The following ST18 variants were observed in gnomAD, a reference collection of about 807,000 sequenced individuals.
ST18 encodes the protein ST18 C2H2C-type zinc finger transcription factor.
Under a neutral mutation model 110.0 loss-of-function variants are expected in ST18, and 50 were observed. The observed-to-expected ratio is 0.45, with a 90% CI of 0.36 to 0.58. The LOEUF is 0.58. Among genes scored for constraint, ST18 ranks in the 20% least tolerant of loss-of-function variants. ST18 has a pLI of 0.00. For synonymous variants in ST18, 461 were observed against 452.4 expected (o/e 1.02, Z -0.24); for missense variants, 1,306 against 1,280.1 (o/e 1.02, Z -0.31).
chr8:52,228,112 A>AT (rs984621117), intron 3 of ST18, among the ~76,000 whole-genome samples: 2 of 152,166 alleles, frequency 1.3e-5, no homozygotes, highest in African/African-American at 4.8e-5. Context: ...AGAATTTACA[A>AT]TTTTGTCTTC....
chr8:52,203,743 A>G (rs1290842957), intron 8 of ST18, among the ~76,000 whole-genome samples: 6 of 152,256 alleles, frequency 3.9e-5, no homozygotes, highest in African/African-American at 1.4e-4. Flanking sequence ...CAGTCAAATA[A>G]TTTTGTTTGC....
At chr8:52,362,513 C>T (rs562294361) in intron 2 of ST18, among the ~76,000 whole-genome samples, 2 of 152,276 alleles carry the variant, frequency 1.3e-5, no homozygotes, top group South Asian at 2.1e-4. Flanking sequence ...ATAGTACAAC[C>T]TCAACCTACA....
rs1434572940 is a variant in ST18 at position 52,287,097 on chromosome 8, T to C, written c.-464-57020A>G. On this transcript the variant is annotated intron_variant, in intron 2 of 25. Coordinates refer to ENST00000689386, the MANE Select transcript of ST18 (RefSeq NM_001352837.2). ...TCTAGAATTTTAGTAGGCTTTTTTA[T>C]ACAAAGACTGTTCCAAAAAATCTAG... Among the ~76,000 whole-genome samples the C allele has an allele frequency of 3.9e-5, 6 of 152,230 alleles. No individual in the cohort carries two copies. In the East Asian group the frequency reaches 7.7e-4, roughly 20 times the overall value.
intron 17 of ST18, 170 bp from the exon 18 acceptor site, chr8:52,137,653 C>A (rs2053037001): frequency 5.3e-6 from 3 of 562,564 alleles, no homozygotes; most frequent in South Asian, 6.3e-5. Context: ...AACCAGTGGA[C>A]TACCTGAAAG....
intron 15 of ST18, 103 bp downstream of exon 15, chr8:52,158,795 G>C: frequency 7.5e-7 from 1 of 1,332,096 alleles, no homozygotes; most frequent in Non-Finnish European, 1.1e-6. Flanking sequence ...CGCTTCAGAG[G>C]TTGGGGAGCA....
chr8:52,385,597 C>CAA (rs60332637), intron 2 of ST18, among the ~76,000 whole-genome samples: 29 of 116,742 alleles, frequency 2.5e-4, no homozygotes, highest in African/African-American at 7.3e-4. Flanking sequence ...GACTCCGACT[C>CAA]AAAAAAAAAA....
At chr8:52,155,790 C>A (rs944949676) in intron 15 of ST18, among the ~76,000 whole-genome samples, 1 of 152,114 alleles carries the variant, frequency 6.6e-6, no homozygotes, top group African/African-American at 2.4e-5. Flanking sequence ...ATTCAGATTG[C>A]CCATTAAGCT....
intron 2 of ST18, among the ~76,000 whole-genome samples, chr8:52,314,683 C>A (rs976625531): frequency 1.1e-4 from 16 of 152,172 alleles, no homozygotes; most frequent in African/African-American, 3.9e-4. Flanking sequence ...CCAACCATGG[C>A]CTCCATCATT....
intron 2 of ST18, among the ~76,000 whole-genome samples, chr8:52,371,345 C>A (rs1830201243): frequency 1.3e-5 from 2 of 152,148 alleles, no homozygotes; most frequent in Admixed American, 6.5e-5. Context: ...TAAATGGCAA[C>A]TAAAAATATA....
chr8:52,355,990 A>G (rs1822569989), intron 2 of ST18, among the ~76,000 whole-genome samples: 1 of 152,208 alleles, frequency 6.6e-6, no homozygotes, highest in Non-Finnish European at 1.5e-5. Context: ...CAGACAAGCA[A>G]CACTCAGGCT....
chr8:52,264,888 T>G (rs1339411649), intron 2 of ST18, among the ~76,000 whole-genome samples: 1 of 152,236 alleles, frequency 6.6e-6, no homozygotes, highest in Non-Finnish European at 1.5e-5. Context: ...TTTTTGTCTG[T>G]AATTGTTTGT....
chr8:52,232,422 T>C (rs556660868), intron 2 of ST18, among the ~76,000 whole-genome samples: 4 of 152,194 alleles, frequency 2.6e-5, no homozygotes, highest in Non-Finnish European at 5.9e-5. Context: ...ATGAATTAAT[T>C]ACAAATTATA....
chr8:52,386,797 A>T (rs1433297963), intron 2 of ST18, among the ~76,000 whole-genome samples: 1 of 152,188 alleles, frequency 6.6e-6, no homozygotes, highest in African/African-American at 2.4e-5. Flanking sequence ...TACTACACTG[A>T]TCAATTTGAA....
chr8:52,149,852 T>G lies in ST18; in HGVS notation c.1932A>C (p.Pro644=). The G allele has an allele frequency of 1.2e-6, 2 of 1,614,112 alleles. No individual in the cohort carries two copies. The highest frequency in any genetic ancestry group is 1.7e-6 in the Non-Finnish European group (2 of 1,180,008). The change falls in exon 16 of 26, where the codon CCA becomes CCC. Residue 644 remains proline (P), a synonymous_variant. Transcript: ENST00000689386. ...TGACCAGAATGCTGCTTGTTTTGAA[T>G]GGGGAAGAGGAAGGAGTTGGAATAG... ...NTSIPTPSSS[P]FKTSSILVNA... is the part of the protein sequence containing the mutation.
At chr8:52,406,218 C>A (rs922477107) in intron 2 of ST18, 1 of 152,208 alleles carries the variant, frequency 6.6e-6, no homozygotes, top group African/African-American at 2.4e-5. Context: ...GCAGAGGAAC[C>A]TTTCACAAAC....
chr8:52,253,275 G>C (rs775545434), intron 2 of ST18, among the ~76,000 whole-genome samples: 1 of 151,972 alleles, frequency 6.6e-6, no homozygotes, highest in African/African-American at 2.4e-5. Flanking sequence ...AGGAATATGA[G>C]GCAAAGTATT....
intron 2 of ST18, among the ~76,000 whole-genome samples, chr8:52,310,129 T>A (rs2095879649): frequency 6.6e-6 from 1 of 152,222 alleles, no homozygotes; most frequent in Non-Finnish European, 1.5e-5. Flanking sequence ...ACTGCAATGC[T>A]TAAAATATGG....
intron 2 of ST18, among the ~76,000 whole-genome samples, chr8:52,319,488 T>C (rs1405859546): frequency 1.3e-5 from 2 of 152,226 alleles, no homozygotes; most frequent in Non-Finnish European, 2.9e-5. Flanking sequence ...TATGCATCTA[T>C]AATATGTTTC....
In ST18 at chr8:52,142,929, C is replaced by T. The variant is rs760165589; in HGVS notation, c.2168+1G>A. On this transcript the variant is annotated splice_donor_variant, in intron 17 of 25. Coordinates refer to ENST00000689386, the MANE Select transcript of ST18 (RefSeq NM_001352837.2). LOFTEE classifies it high-confidence loss of function. ...AGGGCATGGCATTGGGCACCACTTACGTGATTAGTTCCTTTTTGAGATCTC... is the reference window on the plus strand; with the variant it reads ...AGGGCATGGCATTGGGCACCACTTATGTGATTAGTTCCTTTTTGAGATCTC... The T allele has an allele frequency of 5.6e-6, 9 of 1,606,220 alleles. No individual in the cohort carries two copies. Among genetic ancestry groups the T allele is most frequent in the African/African-American group, 2.7e-5 (2 of 74,740 alleles).
Sources: gnomAD v4.1 joint callset for allele counts (sites outside exome capture counted in the v4.1 genomes callset) on GRCh38, gnomAD v4.1.1 for gene constraint, MANE v1.5 for transcripts, NCBI Gene and HGNC (gene_info 2026-07-23, HGNC 2026-07-21) for gene names.